Variants in C16orf87 observed in about 807,000 individuals in gnomAD.
The protein encoded by C16orf87 is HDAC and MIER1 interacting protein 1, also known as UPF0547 protein C16orf87.
A neutral mutation model predicts 21.0 loss-of-function variants in C16orf87; 13 were observed. That is an observed-to-expected ratio of 0.62 (90% CI 0.40 to 0.98). The LOEUF (loss-of-function observed/expected upper bound fraction) is 0.98. C16orf87 is among the 50% of genes least tolerant of loss of function. The pLI, the probability that C16orf87 is intolerant of heterozygous loss-of-function variation, is 0.00. For missense variants in C16orf87, 113 were observed against 180.4 expected (o/e 0.63, Z 2.14); for synonymous variants, 49 against 60.2 (o/e 0.81, Z 0.86).
intron 1 of C16orf87, among the ~76,000 whole-genome samples, chr16:46,825,731 G>A (rs1052369747): frequency 6.6e-6 from 1 of 151,920 alleles, no homozygotes; most frequent in Non-Finnish European, 1.5e-5. Flanking sequence ...GACCAACATG[G>A]TGAAACCCCG....
chr16:46,830,825 C>T (rs1013108829), intron 1 of C16orf87: 1 of 327,534 alleles, frequency 3.1e-6, no homozygotes, highest in African/African-American at 2.2e-5. Flanking sequence ...CAAAGGCGCG[C>T]TCCTCCAGTG....
chr16:46,806,581 T>C (rs1317604814), intron 3 of C16orf87, among the ~76,000 whole-genome samples: 2 of 152,332 alleles, frequency 1.3e-5, no homozygotes, highest in Non-Finnish European at 2.9e-5. Flanking sequence ...AGTTCATTAA[T>C]ATGATGTTCA....
In C16orf87 at chr16:46,816,121, T is replaced by G. The variant is rs537211779; in HGVS notation, c.164-6336A>C. Among the ~76,000 whole-genome samples the G allele has an allele frequency of 3.8e-4, 58 of 152,274 alleles. 1 individual carries two copies. The highest frequency in any genetic ancestry group is 1.3e-3 in the African/African-American group (56 of 41,564). ...CTTGAGGACACTGTGTTAAGTAAAA[T>G]AAGCCAGACATAAAAGTACAAATAT... On this transcript the variant is annotated intron_variant, in intron 2 of 3. Transcript: ENST00000285697.
intron 1 of C16orf87, among the ~76,000 whole-genome samples, chr16:46,830,336 G>C (rs547212221): frequency 6.8e-6 from 1 of 147,330 alleles, no homozygotes; most frequent in East Asian, 2.1e-4. Context: ...GACAGACAGG[G>C]ATACAGATCT....
intron 2 of C16orf87, among the ~76,000 whole-genome samples, chr16:46,818,140 T>A (rs534491434): frequency 7.2e-5 from 11 of 152,186 alleles, no homozygotes; most frequent in Admixed American, 2.0e-4. Flanking sequence ...CCTCTCAAAG[T>A]GCTGGGATTA....
intron 3 of C16orf87, among the ~76,000 whole-genome samples, chr16:46,807,292 G>T (rs1260902695): frequency 6.6e-6 from 1 of 151,876 alleles, no homozygotes; most frequent in African/African-American, 2.4e-5. Context: ...AGTAAAAAAA[G>T]TAGCCTGGTG....
chr16:46,826,081 C>G (rs1473477497), intron 1 of C16orf87, among the ~76,000 whole-genome samples: 1 of 152,100 alleles, frequency 6.6e-6, no homozygotes, highest in Non-Finnish European at 1.5e-5. Context: ...AATCTTATAT[C>G]TTAGTTCCAG....
intron 2 of C16orf87, among the ~76,000 whole-genome samples, chr16:46,817,133 G>A (rs948921879): frequency 9.2e-5 from 14 of 152,296 alleles, no homozygotes; most frequent in Admixed American, 8.5e-4. Context: ...AAAGGAAATG[G>A]AGGGAAAAGC....
rs1334343651 is a variant in C16orf87 at position 46,799,871 on chromosome 16, T to G, written c.*3081A>C. The G allele has an allele frequency of 2.0e-5, 3 of 152,244 alleles. No homozygotes were observed. Among genetic ancestry groups the G allele is most frequent in the Non-Finnish European group, 4.4e-5 (3 of 68,066 alleles). 9.4% of individuals were successfully genotyped at this position (152,244 alleles called of 1,614,324 possible). On this transcript the variant is annotated 3_prime_UTR_variant, in exon 4 of 4. Coordinates refer to ENST00000285697, the MANE Select transcript of C16orf87 (RefSeq NM_001001436.4). ...CCAGGCTGGTCTCAAACTCCTGGCT[T>G]CAAACAACTCTCCTGCCTTGGCCTC...
intron 1 of C16orf87, chr16:46,830,806 T>C (rs1412628391): frequency 6.5e-6 from 2 of 307,204 alleles, no homozygotes; most frequent in East Asian, 1.1e-4. Flanking sequence ...AGCCGCCCGG[T>C]GAGCCCACCA....
In C16orf87 at chr16:46,802,242, T is replaced by C. The variant is rs897117476; in HGVS notation, c.*710A>G. On this transcript the variant is annotated 3_prime_UTR_variant, in exon 4 of 4. Coordinates refer to ENST00000285697, the MANE Select transcript of C16orf87 (RefSeq NM_001001436.4). ...TTGAGAGCAGTTTGTTTTTTTTTTTTAGCTAATAAATAAATTACATTCAAG... is the reference window on the plus strand; with the variant it reads ...TTGAGAGCAGTTTGTTTTTTTTTTTCAGCTAATAAATAAATTACATTCAAG... 6.6e-6 allele frequency: 1 copy of C among 152,400 alleles called. No homozygotes were observed. The highest frequency in any genetic ancestry group is 2.1e-4 in the South Asian group (1 of 4,826). 9.4% of individuals were successfully genotyped at this position (152,400 alleles called of 1,614,324 possible).
In C16orf87 at chr16:46,796,759, G is replaced by C. The variant is rs1967617132; in HGVS notation, c.*6193C>G. On this transcript the variant is annotated 3_prime_UTR_variant, in exon 4 of 4. Coordinates refer to ENST00000285697, the MANE Select transcript of C16orf87 (RefSeq NM_001001436.4). ...CTGAGATCTGTGAGATAATACCAAAGAGTCTAACACTTGCATCACTGGAGC... is the reference window on the plus strand; with the variant it reads ...CTGAGATCTGTGAGATAATACCAAACAGTCTAACACTTGCATCACTGGAGC... The C allele has an allele frequency of 6.6e-6, 1 of 152,130 alleles. No individual in the cohort carries two copies. The highest frequency in any genetic ancestry group is 2.4e-5 in the African/African-American group (1 of 41,432). The allele number at this position is 152,130 out of a possible 1,614,324, so 9.4% of individuals were successfully genotyped here.
intron 2 of C16orf87, among the ~76,000 whole-genome samples, chr16:46,820,748 A>T (rs192701271): frequency 6.6e-6 from 1 of 152,304 alleles, no homozygotes; most frequent in East Asian, 1.9e-4. Context: ...GGTTATGTGT[A>T]TTTAAACCTT....
chr16:46,819,064 C>T (rs1959307344), intron 2 of C16orf87, among the ~76,000 whole-genome samples: 1 of 152,238 alleles, frequency 6.6e-6, no homozygotes, highest in African/African-American at 2.4e-5. Flanking sequence ...TTTAAACTCA[C>T]AAAAACTCTG....
rs117903340 is a variant in C16orf87, at chr16:46,822,314, A to T, written c.163+2072T>A. ...CAAAAATACTTGAATTAAAAAAATA[A>T]GCACTTTGTCTCCCTAAGAACAAGG... On this transcript the variant is annotated intron_variant, in intron 2 of 3. Coordinates refer to ENST00000285697, the MANE Select transcript of C16orf87 (RefSeq NM_001001436.4). 5.9e-5 allele frequency among the ~76,000 whole-genome samples: 9 copies of T among 152,348 alleles called. No individual in the cohort carries two copies. The East Asian group carries it at 1.7e-3, about 29-fold the overall frequency.
chr16:46,829,467 C>T (rs1053776115), intron 1 of C16orf87, among the ~76,000 whole-genome samples: 1 of 152,064 alleles, frequency 6.6e-6, no homozygotes, highest in Admixed American at 6.5e-5. Context: ...CAAAAGGTTG[C>T]TTTATGCCAA....
In C16orf87 at chr16:46,802,850, G is replaced by C; in HGVS notation, c.*102C>G. The C allele has an allele frequency of 1.5e-6, 1 of 682,476 alleles. No homozygotes were observed. The highest frequency in any genetic ancestry group is 2.7e-6 in the Non-Finnish European group (1 of 375,886). The allele number at this position is 682,476 out of a possible 1,614,324, so 42.3% of individuals were successfully genotyped here. A position where few individuals can be genotyped will look rare whatever the true frequency, so the allele number is the denominator to read the frequency against. ...ACAGGCGAGAAAGAAACAATCGATG[G>C]CCCTTATTGATGCAGTCAGAATGCT... On this transcript the variant is annotated 3_prime_UTR_variant, in exon 4 of 4. Coordinates refer to ENST00000285697, the MANE Select transcript of C16orf87 (RefSeq NM_001001436.4).
At position 46,799,754 on chromosome 16, in the gene C16orf87, C is replaced by G. The variant is rs1967717867; in HGVS notation, c.*3198G>C. ...CACTGCAGCCTCGAACTCCTGGGCT[C>G]AAGTGATCCTTTAGCCTCAGCTGCC... On this transcript the variant is annotated 3_prime_UTR_variant, in exon 4 of 4. Coordinates refer to ENST00000285697, the MANE Select transcript of C16orf87 (RefSeq NM_001001436.4). 6.6e-6 allele frequency: 1 copy of G among 152,246 alleles called. No homozygotes were observed. The highest frequency in any genetic ancestry group is 2.4e-5 in the African/African-American group (1 of 41,444). 9.4% of individuals were successfully genotyped at this position (152,246 alleles called of 1,614,324 possible).
intron 2 of C16orf87, 152 bp from the exon 3 acceptor site, chr16:46,809,937 C>A: frequency 4.1e-6 from 2 of 490,806 alleles, no homozygotes; most frequent in Non-Finnish European, 7.2e-6. Context: ...ATGTCTCCCC[C>A]ACACCCTCAT....
Sources: allele counts gnomAD v4.1 joint callset (sites outside exome capture counted in the v4.1 genomes callset), GRCh38; gene constraint gnomAD v4.1.1; transcripts MANE v1.5; gene names NCBI Gene and HGNC (gene_info 2026-07-23, HGNC 2026-07-21).